FAM168B: variants seen among roughly 807,000 people sequenced by gnomAD.
FAM168B encodes the protein family with sequence similarity 168 member B.
In FAM168B, 19 loss-of-function variants were observed where a neutral mutation model predicts 21.8. The ratio of observed to expected loss-of-function variants is 0.87; its 90% CI spans 0.61 to 1.28. The LOEUF is 1.28. Among genes scored for constraint, FAM168B ranks in the 50% most tolerant of loss-of-function variants. The pLI, the probability that FAM168B is intolerant of heterozygous loss-of-function variation, is 0.00. For synonymous variants in FAM168B, 126 were observed against 104.8 expected (o/e 1.20, Z -1.24); for missense variants, 233 against 263.1 (o/e 0.89, Z 0.79).
At position 131,048,101 on chromosome 2, in the gene FAM168B, C is replaced by G. The variant is rs2105436031; in HGVS notation, c.*4364G>C. On this transcript the variant is annotated 3_prime_UTR_variant, in exon 7 of 7. Transcript: ENST00000389915. ...GCAGAGGTGAGGGATGCCTTTAACA[C>G]TGGAAGACAATGCTGACTTAGCTTA... The G allele has an allele frequency of 8.6e-6, 9 of 1,048,130 alleles. 1 individual carries two copies. The South Asian group carries it at 1.5e-4, about 17-fold the overall frequency. 64.9% of individuals were successfully genotyped at this position (1,048,130 alleles called of 1,614,324 possible).
intron 1 of FAM168B, among the ~76,000 whole-genome samples, chr2:131,084,401 T>C (rs527686428): frequency 2.0e-3 from 311 of 151,924 alleles, no homozygotes; most frequent in Non-Finnish European, 3.6e-3. Flanking sequence ...GGTTCCATCA[T>C]GTTGCCCAGG....
At position 131,048,216 on chromosome 2, in the gene FAM168B, T is replaced by C; in HGVS notation, c.*4249A>G. 1.6e-6 allele frequency: 2 copies of C among 1,285,886 alleles called. No individual in the cohort carries two copies. Among genetic ancestry groups the C allele is most frequent in the South Asian group, 1.3e-5 (1 of 79,218 alleles). 79.7% of individuals were successfully genotyped at this position (1,285,886 alleles called of 1,614,324 possible). ...GGAACCGTTTCTTCTTTAGTTACAA[T>C]CCATGAGGCTCTCTAGGGCCTCTCC... On this transcript the variant is annotated 3_prime_UTR_variant, in exon 7 of 7. Transcript: ENST00000389915.
chr2:131,077,948 C>A (rs1000311873), intron 2 of FAM168B, among the ~76,000 whole-genome samples: 1 of 152,164 alleles, frequency 6.6e-6, no homozygotes, highest in African/African-American at 2.4e-5. Flanking sequence ...GGAAACCCTG[C>A]GCTCCAGAAT....
chr2:131,058,230 G>C (rs551698153), intron 3 of FAM168B, among the ~76,000 whole-genome samples: 1 of 152,344 alleles, frequency 6.6e-6, no homozygotes, highest in African/African-American at 2.4e-5. Flanking sequence ...TGGGGTGCCA[G>C]TGCAATTCTG....
Position 131,082,037 on chromosome 2 carries a change from CTCAA to C in FAM168B, c.70+536_70+539del, listed in dbSNP as rs966986613. On this transcript the variant is annotated intron_variant, in intron 2 of 6. Transcript: ENST00000389915. ...TTTTTGACCAACCAGCTCCTATCCC[CTCAA>C]TATCCATTTCGCTGCAACCCTCACT... Among the ~76,000 whole-genome samples the C allele has an allele frequency of 9.8e-4, 149 of 152,316 alleles. 3 individuals are homozygous for C. The highest frequency in any genetic ancestry group is 3.5e-3 in the African/African-American group (146 of 41,558).
chr2:131,088,743 G>A (rs528058579), intron 1 of FAM168B, among the ~76,000 whole-genome samples: 86 of 152,252 alleles, frequency 5.6e-4, no homozygotes, highest in African/African-American at 2.0e-3. Context: ...TAGAAATTAT[G>A]TAAATGCTAA....
At chr2:131,086,529 G>A (rs978546517) in intron 1 of FAM168B, among the ~76,000 whole-genome samples, 2 of 152,148 alleles carry the variant, frequency 1.3e-5, no homozygotes, top group Non-Finnish European at 2.9e-5. Flanking sequence ...CCAGGAGTTC[G>A]AGGCTGCAGT....
rs1470684821 is a variant in FAM168B, at chr2:131,050,232, G to C, written c.*2233C>G. 2 of 985,326 alleles carry C rather than the reference G, an allele frequency of 2.0e-6. No individual in the cohort carries two copies. Among genetic ancestry groups the C allele is most frequent in the African/African-American group, 1.7e-5 (1 of 57,218 alleles). 61.0% of individuals were successfully genotyped at this position (985,326 alleles called of 1,614,324 possible). On this transcript the variant is annotated 3_prime_UTR_variant, in exon 7 of 7. Coordinates refer to ENST00000389915, the MANE Select transcript of FAM168B (RefSeq NM_001009993.4). ...CTTCTAACCTCCTCCTGAACCCCAA[G>C]ACTCCAGCCCTCACAGGAGTTGTAC...
chr2:131,071,806 C>A (rs772623162), intron 3 of FAM168B, 49 bp downstream of exon 3: 1 of 1,555,770 alleles, frequency 6.4e-7, no homozygotes, highest in Non-Finnish European at 8.9e-7. Flanking sequence ...ACCCCTTCAC[C>A]TTTCTCTCCC....
intron 3 of FAM168B, among the ~76,000 whole-genome samples, chr2:131,061,862 T>C (rs186844521): frequency 2.0e-5 from 3 of 152,038 alleles, no homozygotes; most frequent in South Asian, 4.2e-4. Context: ...AAGGATTCTA[T>C]AGCAGTCTGA....
chr2:131,088,865 A>C (rs1045528569), intron 1 of FAM168B, among the ~76,000 whole-genome samples: 3 of 152,282 alleles, frequency 2.0e-5, no homozygotes, highest in African/African-American at 4.8e-5. Flanking sequence ...TCTACCTGAA[A>C]TGTTAGTGCT....
At chr2:131,068,771 T>C (rs1692701789) in intron 3 of FAM168B, among the ~76,000 whole-genome samples, 3 of 152,112 alleles carry the variant, frequency 2.0e-5, no homozygotes, top group Admixed American at 1.3e-4. Flanking sequence ...ATCCCAGCAC[T>C]TTGGAAGGCT....
chr2:131,050,431 G>A lies in FAM168B; in HGVS notation c.*2034C>T. 1.0e-6 allele frequency: 1 copy of A among 985,822 alleles called. No homozygotes were observed. 61.1% of individuals were successfully genotyped at this position (985,822 alleles called of 1,614,324 possible). A position where few individuals can be genotyped will look rare whatever the true frequency, so the allele number is the denominator to read the frequency against. On this transcript the variant is annotated 3_prime_UTR_variant, in exon 7 of 7. Transcript: ENST00000389915. ...AATCCTGCCAACCATCCACTAAACA[G>A]ATGGAATTACCAACAGAGACTTGAA... is the stretch of plus-strand genomic sequence containing the variant.
chr2:131,090,443 G>A (rs1004053480), intron 1 of FAM168B, among the ~76,000 whole-genome samples: 7 of 151,726 alleles, frequency 4.6e-5, no homozygotes, highest in South Asian at 4.1e-4. Context: ...ACTATAACAC[G>A]AGGCCTTTAA....
Position 131,052,971 on chromosome 2 carries a change from G to A in FAM168B, c.520C>T (p.Pro174Ser). The A allele has an allele frequency of 6.4e-7, 1 of 1,560,446 alleles. No homozygotes were observed. The change falls in exon 6 of 7, where the codon CCG (proline) becomes TCG (serine). Residue 174 changes from proline (P) to serine (S), a missense_variant. Transcript: ENST00000389915. Reference protein sequence around the residue: ...AHSPTPVAPHPVTVPTYRAPG... With the variant: ...AHSPTPVAPHSVTVPTYRAPG... ...GCCCGGTACGTGGGCACAGTGACCGGGTGGGGGGCGACAGGAGTTGGGGAG... is the reference window on the plus strand; with the variant it reads ...GCCCGGTACGTGGGCACAGTGACCGAGTGGGGGGCGACAGGAGTTGGGGAG...
rs974859990 is a variant in FAM168B, at chr2:131,048,402, G to T, written c.*4063C>A. 1 of 1,270,278 alleles carries T rather than the reference G, an allele frequency of 7.9e-7. No individual in the cohort carries two copies. Among genetic ancestry groups the T allele is most frequent in the Admixed American group, 2.4e-5 (1 of 41,524 alleles). 78.7% of individuals were successfully genotyped at this position (1,270,278 alleles called of 1,614,324 possible). A position where few individuals can be genotyped will look rare whatever the true frequency, so the allele number is the denominator to read the frequency against. ...CCTGGGAGCACACCACCCTTCTGCAGGCCCGGGGGGGGGTCCCTACACAGA... is the reference window on the plus strand; with the variant it reads ...CCTGGGAGCACACCACCCTTCTGCATGCCCGGGGGGGGGTCCCTACACAGA... On this transcript the variant is annotated 3_prime_UTR_variant, in exon 7 of 7. Coordinates refer to ENST00000389915, the MANE Select transcript of FAM168B (RefSeq NM_001009993.4).
Position 131,050,565 on chromosome 2 carries a change from C to A in FAM168B, c.*1900G>T. On this transcript the variant is annotated 3_prime_UTR_variant, in exon 7 of 7. Coordinates refer to ENST00000389915, the MANE Select transcript of FAM168B (RefSeq NM_001009993.4). ...TTTAAAGTACTTATCAGTAAACATT[C>A]TATGTTAATAGACATCAGGAATAAA... The A allele has an allele frequency of 1.0e-6, 1 of 985,744 alleles. No individual in the cohort carries two copies. Among genetic ancestry groups the A allele is most frequent in the Non-Finnish European group, 1.2e-6 (1 of 829,912 alleles). 61.1% of individuals were successfully genotyped at this position (985,744 alleles called of 1,614,324 possible).
At chr2:131,091,848 G>T (rs1273649535) in intron 1 of FAM168B, among the ~76,000 whole-genome samples, 2 of 151,416 alleles carry the variant, frequency 1.3e-5, no homozygotes, top group African/African-American at 2.4e-5. Flanking sequence ...AATTGTGCTC[G>T]GCCAGGCGCG....
chr2:131,086,981 T>C (rs375237835), intron 1 of FAM168B, among the ~76,000 whole-genome samples: 8,779 of 116,772 alleles, frequency 0.075, 2,517 homozygotes, highest in African/African-American at 0.34. Context: ...AGGAGAATGG[T>C]GTGAACCCCA....
Sources: allele counts gnomAD v4.1 joint callset (sites outside exome capture counted in the v4.1 genomes callset), GRCh38; gene constraint gnomAD v4.1.1; transcripts MANE v1.5; gene names NCBI Gene and HGNC (gene_info 2026-07-23, HGNC 2026-07-21).